Variants in GLP1R observed in about 807,000 individuals in gnomAD.
The protein encoded by GLP1R is glucagon-like peptide 1 receptor.
GLP1R carries 32 observed loss-of-function variants against 68.4 expected under a neutral mutation model. The ratio of observed to expected loss-of-function variants is 0.47; its 90% CI spans 0.35 to 0.63. The LOEUF is 0.63. GLP1R is among the 20% of genes least tolerant of loss of function. The pLI is 0.00. For missense variants in GLP1R, 502 were observed against 594.9 expected, an observed-to-expected ratio of 0.84 and a Z score of 1.62; for synonymous variants, 263 against 244.4, an observed-to-expected ratio of 1.08 and a Z score of -0.71.
intron 12 of GLP1R, among the ~76,000 whole-genome samples, chr6:39,083,695 C>T (rs1769072256): frequency 6.6e-6 from 1 of 152,158 alleles, no homozygotes; most frequent in Non-Finnish European, 1.5e-5. Context: ...TCCCAATTCA[C>T]CCCGAATCCT....
At chr6:39,066,061 TTC>T (rs1338868902) in intron 4 of GLP1R, 134 bp from the exon 5 acceptor site, 3 of 626,266 alleles carry the variant, frequency 4.8e-6, no homozygotes, top group Admixed American at 5.7e-5. Context: ...GTTACGGTTA[TTC>T]TCTTTCTTGG....
intron 7 of GLP1R, chr6:39,074,381 G>A (rs1405838725): frequency 6.6e-6 from 1 of 152,188 alleles, no homozygotes; most frequent in African/African-American, 2.4e-5. Flanking sequence ...AACATTTCTG[G>A]TTGTGCTTCT....
intron 1 of GLP1R, among the ~76,000 whole-genome samples, chr6:39,051,567 C>T (rs931832553): frequency 2.0e-5 from 3 of 152,106 alleles, no homozygotes; most frequent in Non-Finnish European, 4.4e-5. Context: ...ATCCTGCCCT[C>T]GAATGCCTTG....
chr6:39,069,050 T>G (rs1164893088), intron 5 of GLP1R, among the ~76,000 whole-genome samples: 1 of 152,220 alleles, frequency 6.6e-6, no homozygotes, highest in Non-Finnish European at 1.5e-5. Flanking sequence ...CTTCTCATAT[T>G]TTGCTATAAG....
At position 39,072,960 on chromosome 6, in the gene GLP1R, G is replaced by C; in HGVS notation, c.608G>C (p.Trp203Ser). The C allele has an allele frequency of 6.2e-7, 1 of 1,614,138 alleles. No homozygotes were observed. The highest frequency in any genetic ancestry group is 8.5e-7 in the Non-Finnish European group (1 of 1,179,972). The change falls in exon 6 of 13, where the codon TGG becomes TCG. Residue 203 changes from tryptophan to serine, a missense_variant. Trp to Ser is a radical substitution (Grantham distance 177). Transcript: ENST00000373256. ...SVFIKDAALK[W>S]MYSTAAQQHQ... is the part of the protein sequence containing the mutation. ...TTCATCAAGGACGCAGCCCTGAAGT[G>C]GATGTATAGCACAGCCGCCCAGCAG...
At chr6:39,075,972 T>A (rs1768811990) in intron 7 of GLP1R, among the ~76,000 whole-genome samples, 1 of 152,236 alleles carries the variant, frequency 6.6e-6, no homozygotes, top group African/African-American at 2.4e-5. Context: ...GCTCGTTTTC[T>A]AAATGGGAGA....
In GLP1R at chr6:39,086,391, T is replaced by C. The variant is rs1017998932; in HGVS notation, c.*318T>C. The C allele has an allele frequency of 6.6e-5, 18 of 273,564 alleles. No individual in the cohort carries two copies. The highest frequency in any genetic ancestry group is 8.3e-5 in the Non-Finnish European group (12 of 144,884). The allele number at this position is 273,564 out of a possible 1,614,324, so 16.9% of individuals were successfully genotyped here. A position where few individuals can be genotyped will look rare whatever the true frequency, so the allele number is the denominator to read the frequency against. On this transcript the variant is annotated 3_prime_UTR_variant, in exon 13 of 13. Transcript: ENST00000373256. This position sits in a 1 kb window ranked among gnomAD's most constrained non-coding sequence, Gnocchi z 4.5. Reference sequence around the variant, plus strand: ...CTTGTGAAACCACAGGCCCTTGGGGTTCCCCCAGACAGAGCCGCAAATCAA... The same window carrying C: ...CTTGTGAAACCACAGGCCCTTGGGGCTCCCCCAGACAGAGCCGCAAATCAA...
intron 7 of GLP1R, among the ~76,000 whole-genome samples, chr6:39,076,476 C>T (rs1768832255): frequency 6.6e-6 from 1 of 152,160 alleles, no homozygotes; most frequent in South Asian, 2.1e-4. Context: ...CTGGGGGCTC[C>T]TTTGCCTCCT....
intron 3 of GLP1R, among the ~76,000 whole-genome samples, chr6:39,065,437 C>T (rs751521737): frequency 1.3e-5 from 2 of 152,164 alleles, no homozygotes; most frequent in Non-Finnish European, 2.9e-5. Flanking sequence ...CTAGGGTTGC[C>T]GAGAGGCAGG....
chr6:39,075,406 C>G (rs1235561893), intron 7 of GLP1R, among the ~76,000 whole-genome samples: 2 of 151,994 alleles, frequency 1.3e-5, no homozygotes, highest in East Asian at 1.9e-4. Flanking sequence ...CCATGGCGAC[C>G]CGAGGGCAGG....
intron 12 of GLP1R, among the ~76,000 whole-genome samples, chr6:39,084,746 C>T (rs1004427177): frequency 6.6e-5 from 10 of 152,220 alleles, no homozygotes; most frequent in African/African-American, 2.2e-4. Flanking sequence ...GCCTCTGGGC[C>T]ATCTCAACTC....
At chr6:39,065,625 C>G (rs752024793) in intron 3 of GLP1R, 86 bp from the exon 4 acceptor site, 38 of 774,460 alleles carry the variant, frequency 4.9e-5, no homozygotes, top group Non-Finnish European at 7.8e-5. Flanking sequence ...GGATAGCCCT[C>G]AGAATGGGGA....
intron 12 of GLP1R, 74 bp from the exon 13 acceptor site, chr6:39,085,832 A>T: frequency 7.3e-7 from 1 of 1,364,136 alleles, no homozygotes; most frequent in Non-Finnish European, 1.0e-6. Context: ...TTCCCCACTA[A>T]TGTAATAGTG....
intron 5 of GLP1R, among the ~76,000 whole-genome samples, chr6:39,070,446 T>C (rs1768630389): frequency 2.0e-5 from 3 of 152,376 alleles, no homozygotes; most frequent in African/African-American, 7.2e-5. Flanking sequence ...TGTACATTCT[T>C]ACTTGTGCAT....
At chr6:39,068,911 T>C (rs1250301806) in intron 5 of GLP1R, among the ~76,000 whole-genome samples, 2 of 152,270 alleles carry the variant, frequency 1.3e-5, no homozygotes, top group African/African-American at 2.4e-5. Context: ...AAATGTTCAC[T>C]TGGCCACACC....
chr6:39,079,668 A>C lies in GLP1R; in HGVS notation c.1148A>C (p.Lys383Thr). The C allele has an allele frequency of 6.2e-7, 1 of 1,611,808 alleles. No individual in the cohort carries two copies. The highest frequency in any genetic ancestry group is 8.5e-7 in the Non-Finnish European group (1 of 1,179,162). The change falls in exon 11 of 13, where the codon AAG (lysine) becomes ACG (threonine). Residue 383 changes from lysine (K) to threonine (T), a missense_variant. By Grantham distance (78) the Lys-to-Thr change is moderately conservative. Transcript: ENST00000373256. This position sits in a 1 kb window ranked among gnomAD's most constrained non-coding sequence, Gnocchi z 4.5. Reference sequence around the variant, plus strand: ...GCCCGGGGGACCCTGCGCTTCATCAAGCTGTTTACAGAGCTCTCCTTCACC... The same window carrying C: ...GCCCGGGGGACCCTGCGCTTCATCACGCTGTTTACAGAGCTCTCCTTCACC... ...EHARGTLRFI[K>T]LFTELSFTSF...
chr6:39,067,914 C>A (rs1768557958), intron 5 of GLP1R, among the ~76,000 whole-genome samples: 1 of 152,122 alleles, frequency 6.6e-6, no homozygotes, highest in Non-Finnish European at 1.5e-5. Flanking sequence ...GGCAGGCATT[C>A]TCATTTCATA....
At position 39,086,848 on chromosome 6, in the gene GLP1R, G is replaced by A. The variant is rs1303975551; in HGVS notation, c.*775G>A. 1 of 152,636 alleles carries A rather than the reference G, an allele frequency of 6.6e-6. No individual in the cohort carries two copies. The highest frequency in any genetic ancestry group is 1.5e-5 in the Non-Finnish European group (1 of 68,070). The allele number at this position is 152,636 out of a possible 1,614,324, so 9.5% of individuals were successfully genotyped here. A position where few individuals can be genotyped will look rare whatever the true frequency, so the allele number is the denominator to read the frequency against. On this transcript the variant is annotated 3_prime_UTR_variant, in exon 13 of 13. Coordinates refer to ENST00000373256, the MANE Select transcript of GLP1R (RefSeq NM_002062.5). This position sits in a 1 kb window ranked among gnomAD's most constrained non-coding sequence, Gnocchi z 4.5. Reference sequence around the variant, plus strand: ...ACCGGGGAACCCAGCCCTGGGGTATGAGCTGCCAAGTCTATTTTAAAGACG... The same window carrying A: ...ACCGGGGAACCCAGCCCTGGGGTATAAGCTGCCAAGTCTATTTTAAAGACG...
intron 1 of GLP1R, among the ~76,000 whole-genome samples, chr6:39,050,386 G>A (rs138431934): frequency 4.6e-5 from 7 of 152,284 alleles, no homozygotes; most frequent in Non-Finnish European, 8.8e-5. Context: ...TTGAATGAAG[G>A]GAAGAAAGCA....
Sources: gnomAD v4.1 joint callset for allele counts (sites outside exome capture counted in the v4.1 genomes callset) on GRCh38, gnomAD v4.1.1 for gene constraint, Gnocchi (gnomAD v3.1) non-coding constraint, MANE v1.5 for transcripts, NCBI Gene and HGNC (gene_info 2026-07-23, HGNC 2026-07-21) for gene names.